The following PCNX2 variants were observed in gnomAD, a reference collection of about 807,000 sequenced individuals.
The protein encoded by PCNX2 is pecanex-like protein 2.
In PCNX2, 168 loss-of-function variants were observed where a neutral mutation model predicts 223.8. The observed-to-expected ratio is 0.75, with a 90% CI of 0.66 to 0.85. The LOEUF (loss-of-function observed/expected upper bound fraction) is 0.85, where lower values mean the gene tolerates loss of function less well. Ranked by LOEUF, PCNX2 falls within the 40% of genes least tolerant of loss-of-function variation. The pLI is 0.00. For missense variants in PCNX2, 2,507 were observed against 2,675.5 expected (o/e 0.94, Z 1.39); for synonymous variants, 1,006 against 1,052.6 (o/e 0.96, Z 0.86).
At chr1:233,079,747 C>G (rs6683345) in intron 23 of PCNX2, among the ~76,000 whole-genome samples, 1 of 152,066 alleles carries the variant, frequency 6.6e-6, no homozygotes, top group Non-Finnish European at 1.5e-5. Flanking sequence ...CTGTGTCCCT[C>G]GGCCCAGCCT....
chr1:233,325,631 G>A, the PCNX2 span, among the ~76,000 whole-genome samples: 1 of 152,250 alleles, frequency 6.6e-6, no homozygotes, highest in African/African-American at 2.4e-5. Flanking sequence ...GCCGAGAAGT[G>A]GAGACTGAGA....
At chr1:233,229,516 G>T (rs967642689) in intron 9 of PCNX2, among the ~76,000 whole-genome samples, 2 of 152,136 alleles carry the variant, frequency 1.3e-5, no homozygotes, top group African/African-American at 4.8e-5. Flanking sequence ...GACAAACAGT[G>T]TAAATAAGAA....
intron 25 of PCNX2, among the ~76,000 whole-genome samples, chr1:233,039,000 G>A (rs1558181323): frequency 2.0e-5 from 3 of 152,000 alleles, no homozygotes; most frequent in South Asian, 2.1e-4. Flanking sequence ...TTCTATAAGA[G>A]CCATCTAGGT....
At chr1:233,228,876 T>C (rs1657895024) in intron 9 of PCNX2, among the ~76,000 whole-genome samples, 1 of 152,232 alleles carries the variant, frequency 6.6e-6, no homozygotes, top group Admixed American at 6.5e-5. Flanking sequence ...TGGTTTTGCC[T>C]TGCACTTTTC....
intron 4 of PCNX2, among the ~76,000 whole-genome samples, chr1:233,260,992 TA>T (rs935159074): frequency 4.6e-5 from 7 of 152,232 alleles, no homozygotes; most frequent in African/African-American, 1.4e-4. Context: ...TTATCATCAA[TA>T]AAAAACTTAT....
chr1:233,108,844 C>T (rs891522998), intron 21 of PCNX2, among the ~76,000 whole-genome samples: 1 of 152,102 alleles, frequency 6.6e-6, no homozygotes, highest in African/African-American at 2.4e-5. Flanking sequence ...ATCCCTGAGA[C>T]CAAGGGGTTT....
intron 8 of PCNX2, among the ~76,000 whole-genome samples, chr1:233,243,019 G>A (rs1180473427): frequency 6.6e-6 from 1 of 152,190 alleles, no homozygotes; most frequent in Non-Finnish European, 1.5e-5. Context: ...AAAGATACCT[G>A]CTCTATGGAC....
upstream of PCNX2, among the ~76,000 whole-genome samples, chr1:233,299,692 A>T (rs1662229856): frequency 6.6e-6 from 1 of 152,164 alleles, no homozygotes; most frequent in Admixed American, 6.5e-5. Flanking sequence ...TGAGTCGGGA[A>T]TATGCAGAAG....
chr1:233,053,699 C>T (rs1268219242), intron 25 of PCNX2, among the ~76,000 whole-genome samples: 2 of 152,164 alleles, frequency 1.3e-5, no homozygotes, highest in Non-Finnish European at 2.9e-5. Context: ...AACTCCAGCT[C>T]CTCATTTGCG....
chr1:233,236,137 T>A (rs566493006), intron 9 of PCNX2, among the ~76,000 whole-genome samples: 2 of 152,046 alleles, frequency 1.3e-5, no homozygotes, highest in South Asian at 4.2e-4. Context: ...GAAACCAATC[T>A]TTCTTCAGGG....
chr1:233,008,358 T>C (rs1670356593), intron 28 of PCNX2, among the ~76,000 whole-genome samples: 3 of 152,166 alleles, frequency 2.0e-5, no homozygotes, highest in South Asian at 4.1e-4. Flanking sequence ...AGAAGCGGCA[T>C]ATGGACCTAC....
At chr1:233,209,586 C>A (rs998260241) in intron 12 of PCNX2, among the ~76,000 whole-genome samples, 7 of 152,178 alleles carry the variant, frequency 4.6e-5, no homozygotes, top group Non-Finnish European at 1.0e-4. Flanking sequence ...AAAGTCACTG[C>A]CTTGAACACG....
At chr1:233,188,674 C>G (rs1680246759) in intron 15 of PCNX2, among the ~76,000 whole-genome samples, 1 of 152,054 alleles carries the variant, frequency 6.6e-6, no homozygotes, top group African/African-American at 2.4e-5. Context: ...AGGTGCACGC[C>G]ACCATGCCCA....
At chr1:233,279,450 A>G (rs1313106654) in intron 1 of PCNX2, among the ~76,000 whole-genome samples, 1 of 151,500 alleles carries the variant, frequency 6.6e-6, no homozygotes. Flanking sequence ...GTGTGTGTAT[A>G]TATATATATT....
chr1:233,054,536 C>T, intron 24 of PCNX2, 53 bp from the exon 25 acceptor site: 1 of 1,420,528 alleles, frequency 7.0e-7, no homozygotes, highest in South Asian at 1.2e-5. Context: ...TGCTGTGTAT[C>T]CAGACCTAGG....
intron 2 of PCNX2, 135 bp from the exon 3 acceptor site, chr1:233,262,300 T>C: frequency 8.5e-7 from 1 of 1,171,870 alleles, no homozygotes. Flanking sequence ...TCTTTTTTTG[T>C]TGTTGTTAAG....
chr1:233,269,024 T>A (rs535042681), intron 1 of PCNX2, among the ~76,000 whole-genome samples: 1 of 152,200 alleles, frequency 6.6e-6, no homozygotes, highest in African/African-American at 2.4e-5. Context: ...TCTCTATCAC[T>A]CTGGGGTCCA....
intron 19 of PCNX2, among the ~76,000 whole-genome samples, chr1:233,143,776 A>G (rs1677264747): frequency 6.6e-6 from 1 of 152,158 alleles, no homozygotes; most frequent in African/African-American, 2.4e-5. Flanking sequence ...CTAAAAAATT[A>G]TAATTATCTT....
intron 28 of PCNX2, among the ~76,000 whole-genome samples, chr1:233,006,627 A>T (rs1158861962): frequency 2.0e-5 from 3 of 152,204 alleles, no homozygotes; most frequent in Non-Finnish European, 4.4e-5. Flanking sequence ...GAACCTTGGG[A>T]TGCAGAGAGA....
Sources: allele counts gnomAD v4.1 joint callset (sites outside exome capture counted in the v4.1 genomes callset), GRCh38; gene constraint gnomAD v4.1.1; transcripts MANE v1.5; gene names NCBI Gene and HGNC (gene_info 2026-07-23, HGNC 2026-07-21).